SLC35D2: variants seen among roughly 807,000 people sequenced by gnomAD.
The protein encoded by SLC35D2 is solute carrier family 35 member D2.
SLC35D2 carries 43 observed loss-of-function variants against 41.8 expected under a neutral mutation model. The observed-to-expected ratio is 1.03, with a 90% CI of 0.81 to 1.33. The LOEUF (loss-of-function observed/expected upper bound fraction) is 1.33. SLC35D2 is among the 40% of genes most tolerant of loss of function. The pLI is 0.00. For synonymous variants in SLC35D2, 150 were observed against 163.9 expected, an observed-to-expected ratio of 0.92 and a Z score of 0.65; for missense variants, 380 against 408.4, an observed-to-expected ratio of 0.93 and a Z score of 0.60.
downstream of SLC35D2, among the ~76,000 whole-genome samples, chr9:96,316,378 G>A (rs753404957): frequency 5.9e-5 from 9 of 151,900 alleles, no homozygotes; most frequent in Non-Finnish European, 1.2e-4. Flanking sequence ...GCATGTGCCT[G>A]TAATCCCAGC....
intron 10 of SLC35D2, among the ~76,000 whole-genome samples, chr9:96,322,607 TTC>T (rs1397063902): frequency 6.6e-6 from 1 of 152,170 alleles, no homozygotes; most frequent in Non-Finnish European, 1.5e-5. Context: ...AATTGCATTA[TTC>T]TCTCTCTTGA....
chr9:96,345,646 C>A (rs1011599370), intron 6 of SLC35D2, among the ~76,000 whole-genome samples: 1 of 152,232 alleles, frequency 6.6e-6, no homozygotes, highest in Non-Finnish European at 1.5e-5. Context: ...CTTCCTTCAA[C>A]TGCAACCCCT....
chr9:96,360,192 T>G lies in SLC35D2; in HGVS notation c.309A>C (p.Gly103=), dbSNP rs371724417. 1.4e-5 allele frequency: 23 copies of G among 1,612,974 alleles called. No homozygotes were observed. The highest frequency in any genetic ancestry group is 1.9e-5 in the Non-Finnish European group (22 of 1,179,444). ...KLFPLPLLYV[G]NHISGLSSTS... ...TGCTTGATAATCCACTTATGTGGTT[T>G]CCAACGTAGAGGAGAGGCAGAGGAA... The change falls in exon 4 of 12, where the codon GGA becomes GGC. Residue 103 remains glycine, a synonymous_variant. Coordinates refer to ENST00000253270, the MANE Select transcript of SLC35D2 (RefSeq NM_007001.3).
intron 6 of SLC35D2, among the ~76,000 whole-genome samples, chr9:96,346,517 G>A (rs1220106173): frequency 6.6e-6 from 1 of 152,146 alleles, no homozygotes; most frequent in East Asian, 1.9e-4. Context: ...TTGATTCCCT[G>A]GTTTTTAGGC....
intron 9 of SLC35D2, among the ~76,000 whole-genome samples, chr9:96,333,259 G>A (rs1330709623): frequency 6.6e-6 from 1 of 151,122 alleles, no homozygotes; most frequent in African/African-American, 2.4e-5. Context: ...TTATCAAAAG[G>A]GCATTTGTTT....
Position 96,383,466 on chromosome 9 carries a change from C to A in SLC35D2, c.158+11G>T, listed in dbSNP as rs769354871. The A allele has an allele frequency of 2.0e-6, 3 of 1,525,304 alleles. 1 individual carries two copies. In the South Asian group the frequency reaches 3.6e-5, roughly 18 times the overall value. 94.5% of individuals were successfully genotyped at this position (1,525,304 alleles called of 1,614,324 possible). Reference sequence around the variant, plus strand: ...CTCCCGCAGACCCCCCGGCCCCGGGCCCCGCCTCACCCGTAGGTGGTCAGC... The same window carrying A: ...CTCCCGCAGACCCCCCGGCCCCGGGACCCGCCTCACCCGTAGGTGGTCAGC... On this transcript the variant is annotated intron_variant, in intron 1 of 11. Coordinates refer to ENST00000253270, the MANE Select transcript of SLC35D2 (RefSeq NM_007001.3).
intron 1 of SLC35D2, among the ~76,000 whole-genome samples, chr9:96,368,913 C>T (rs1425338835): frequency 6.6e-6 from 1 of 152,058 alleles, no homozygotes; most frequent in East Asian, 1.9e-4. Flanking sequence ...TATAGGCGCG[C>T]ACCACCATGC....
At chr9:96,373,374 T>C (rs568880561) in intron 1 of SLC35D2, among the ~76,000 whole-genome samples, 3 of 152,262 alleles carry the variant, frequency 2.0e-5, no homozygotes, top group East Asian at 3.9e-4. Flanking sequence ...TCCCCTGATA[T>C]GTCCTTTTTT....
intron 1 of SLC35D2, among the ~76,000 whole-genome samples, chr9:96,369,659 TGCAGAGCA>T (rs1830603499): frequency 6.6e-6 from 1 of 152,240 alleles, no homozygotes; most frequent in Non-Finnish European, 1.5e-5. Context: ...TAGATGATGC[TGCAGAGCA>T]GTGGAGAAAA....
At position 96,337,906 on chromosome 9, in the gene SLC35D2, C is replaced by T. The variant is rs778641385; in HGVS notation, c.685-1122G>A. Among the ~76,000 whole-genome samples the T allele has an allele frequency of 2.8e-4, 40 of 141,358 alleles. 1 individual carries two copies. Among genetic ancestry groups the T allele is most frequent in the African/African-American group, 1.9e-4 (7 of 37,644 alleles). 92.7% of individuals were successfully genotyped at this position (141,358 alleles called of 152,430 possible). ...CTGAGGCAGGAGAATCACTTGAACC[C>T]GGGAGGCAGAGGTTGCAGTGAGCCG... On this transcript the variant is annotated intron_variant, in intron 8 of 11. Transcript: ENST00000253270.
chr9:96,373,134 A>C (rs1055004966), intron 1 of SLC35D2, among the ~76,000 whole-genome samples: 6 of 152,056 alleles, frequency 3.9e-5, no homozygotes, highest in African/African-American at 7.2e-5. Flanking sequence ...TTCTGACCTC[A>C]GGTGATCCAC....
chr9:96,351,316 C>T (rs190719487), intron 5 of SLC35D2, 145 bp from the exon 6 acceptor site: 28 of 621,330 alleles, frequency 4.5e-5, no homozygotes, highest in Admixed American at 1.7e-4. Context: ...AGAGAAAGCA[C>T]TAAAAGTGTT....
At chr9:96,353,901 C>G (rs1350834568) in intron 4 of SLC35D2, among the ~76,000 whole-genome samples, 1 of 152,278 alleles carries the variant, frequency 6.6e-6, no homozygotes, top group East Asian at 1.9e-4. Context: ...AAAGTCAGAG[C>G]TGGAACAGCA....
Position 96,360,751 on chromosome 9 carries a change from T to A in SLC35D2, c.280-530A>T, listed in dbSNP as rs112152870. The stretch of plus-strand genomic sequence containing the variant: ...ATCAGATTAGCAAAATTTATTTATT[T>A]ATTTTTTGAGACAGAGTTTTGCTCT... On this transcript the variant is annotated intron_variant, in intron 3 of 11. Coordinates refer to ENST00000253270, the MANE Select transcript of SLC35D2 (RefSeq NM_007001.3). Among the ~76,000 whole-genome samples the A allele has an allele frequency of 2.4e-3, 368 of 152,128 alleles. 1 individual carries two copies. The highest frequency in any genetic ancestry group is 8.3e-3 in the African/African-American group (343 of 41,492).
chr9:96,358,080 T>A (rs373530770), intron 4 of SLC35D2, among the ~76,000 whole-genome samples: 4,198 of 121,858 alleles, frequency 0.034, 163 homozygotes, highest in Middle Eastern at 0.061. Flanking sequence ...ATTATATATT[T>A]TATATATATA....
At chr9:96,340,545 A>T (rs554622147) in intron 8 of SLC35D2, among the ~76,000 whole-genome samples, 1 of 135,966 alleles carries the variant, frequency 7.4e-6, no homozygotes, top group East Asian at 2.5e-4. Flanking sequence ...GCTTGAACCC[A>T]GGAGGCGGAG....
At chr9:96,364,648 A>C in intron 2 of SLC35D2, 98 bp from the exon 3 acceptor site, 1 of 749,112 alleles carries the variant, frequency 1.3e-6, no homozygotes, top group South Asian at 1.5e-5. Context: ...ATCAAAAAGA[A>C]ATATAGCAAA....
intron 8 of SLC35D2, 74 bp downstream of exon 8, chr9:96,343,830 G>C: frequency 2.1e-6 from 2 of 933,306 alleles, no homozygotes; most frequent in African/African-American, 3.4e-5. Flanking sequence ...TTTTGTTTCA[G>C]TGCATATCAA....
intron 8 of SLC35D2, among the ~76,000 whole-genome samples, chr9:96,339,119 G>GT (rs889045982): frequency 2.4e-4 from 36 of 150,722 alleles, no homozygotes; most frequent in African/African-American, 3.9e-4. Context: ...ATTTTGTTTT[G>GT]TTTTTTTTTG....
Sources: allele counts gnomAD v4.1 joint callset (sites outside exome capture counted in the v4.1 genomes callset), GRCh38; gene constraint gnomAD v4.1.1; transcripts MANE v1.5; gene names NCBI Gene and HGNC (gene_info 2026-07-23, HGNC 2026-07-21).